Variants in SLBP observed in about 807,000 individuals in gnomAD.
The protein encoded by SLBP is stem-loop histone mRNA binding protein, also known as histone RNA hairpin-binding protein.
Under a neutral mutation model 39.2 loss-of-function variants are expected in SLBP, and 29 were observed. That is an observed-to-expected ratio of 0.74 (90% CI 0.55 to 1.01). The LOEUF is 1.01. Among genes scored for constraint, SLBP ranks in the 50% least tolerant of loss-of-function variants. SLBP has a pLI of 0.00. For missense variants in SLBP, 390 were observed against 350.2 expected (o/e 1.11, Z -0.91); for synonymous variants, 129 against 118.7 (o/e 1.09, Z -0.57).
At chr4:1,707,600 C>T (rs1716571453) in intron 2 of SLBP, among the ~76,000 whole-genome samples, 1 of 152,124 alleles carries the variant, frequency 6.6e-6, no homozygotes. Context: ...CAGACATAAA[C>T]TCACATTTTT....
chr4:1,710,919 C>T (rs1716738478), intron 2 of SLBP, among the ~76,000 whole-genome samples: 1 of 151,906 alleles, frequency 6.6e-6, no homozygotes, highest in Non-Finnish European at 1.5e-5. Flanking sequence ...GGCGCGGTGG[C>T]ATGCGCCTGT....
intron 6 of SLBP, 134 bp from the exon 7 acceptor site, chr4:1,694,974 G>A (rs541704256): frequency 9.8e-5 from 66 of 676,696 alleles, no homozygotes; most frequent in South Asian, 6.9e-4. Context: ...TGAGGGGTCA[G>A]CTTTCAGTGA....
At chr4:1,711,626 G>A (rs1033434866) in intron 2 of SLBP, among the ~76,000 whole-genome samples, 3 of 152,212 alleles carry the variant, frequency 2.0e-5, no homozygotes, top group Non-Finnish European at 4.4e-5. Context: ...ACACAGACTC[G>A]AACTGGCTAA....
intron 6 of SLBP, among the ~76,000 whole-genome samples, 184 bp downstream of exon 6, chr4:1,696,018 A>G (rs1716091858): frequency 6.6e-6 from 1 of 152,026 alleles, no homozygotes; most frequent in Non-Finnish European, 1.5e-5. Context: ...CAGGAAGCAA[A>G]CTCTTCCTTC....
chr4:1,702,182 C>T (rs1437927707), intron 3 of SLBP, among the ~76,000 whole-genome samples: 3 of 152,174 alleles, frequency 2.0e-5, no homozygotes, highest in African/African-American at 7.2e-5. Context: ...GCATGCAACA[C>T]AAACTATACA....
At chr4:1,710,597 A>G (rs1716714244) in intron 2 of SLBP, among the ~76,000 whole-genome samples, 1 of 152,270 alleles carries the variant, frequency 6.6e-6, no homozygotes, top group South Asian at 2.1e-4. Context: ...AGGTTGAAGG[A>G]GAAAGATCTA....
In SLBP at chr4:1,699,589, C is replaced by T. The variant is rs764796066; in HGVS notation, c.454G>A (p.Asp152Asn). The change falls in exon 5 of 8, where the codon GAT (aspartate) becomes AAT (asparagine). Residue 152 changes from aspartate (D) to asparagine (N), a missense_variant. Asp to Asn is a conservative substitution (Grantham distance 23). Transcript: ENST00000489418. ...INYGKNTIAY[D>N]RYIKEVPRHL... ...CTTGGGACTTCTTTAATATAACGATCGTAGGCAATTGTGTTCTTCCCATAG... is the reference window on the plus strand; with the variant it reads ...CTTGGGACTTCTTTAATATAACGATTGTAGGCAATTGTGTTCTTCCCATAG... The T allele has an allele frequency of 1.2e-6, 2 of 1,613,950 alleles. No homozygotes were observed. Among genetic ancestry groups the T allele is most frequent in the Non-Finnish European group, 1.7e-6 (2 of 1,179,840 alleles).
intron 5 of SLBP, among the ~76,000 whole-genome samples, chr4:1,697,011 A>T (rs554843167): frequency 6.6e-6 from 1 of 151,616 alleles, no homozygotes; most frequent in Non-Finnish European, 1.5e-5. Flanking sequence ...ACCAAAAATT[A>T]GCCAGTCATG....
chr4:1,699,142 A>G (rs895781332), intron 5 of SLBP, among the ~76,000 whole-genome samples: 6 of 152,222 alleles, frequency 3.9e-5, no homozygotes, highest in African/African-American at 9.6e-5. Context: ...AGCTTTCTTT[A>G]TATCCTTCTG....
chr4:1,712,233 G>T lies in SLBP; in HGVS notation c.-45C>A, dbSNP rs1577191334. On this transcript the variant is annotated 5_prime_UTR_variant, in exon 1 of 8. Transcript: ENST00000489418. ...GCAGCGCAGGGCCGAGGCTGAGGCG[G>T]CGGCGGCGCGGGCAGAGAGCGCAGA... 1.7e-6 allele frequency: 2 copies of T among 1,183,858 alleles called. No homozygotes were observed. The highest frequency in any genetic ancestry group is 7.1e-5 in the East Asian group (2 of 28,180). The allele number at this position is 1,183,858 out of a possible 1,614,324, so 73.3% of individuals were successfully genotyped here.
intron 2 of SLBP, among the ~76,000 whole-genome samples, chr4:1,704,665 C>T (rs1159305685): frequency 1.3e-5 from 2 of 152,146 alleles, no homozygotes; most frequent in Non-Finnish European, 2.9e-5. Context: ...CAGAGGGATT[C>T]GCTGTCATAC....
intron 2 of SLBP, among the ~76,000 whole-genome samples, chr4:1,710,777 C>T (rs973045192): frequency 1.3e-5 from 2 of 151,662 alleles, no homozygotes; most frequent in Non-Finnish European, 2.9e-5. Context: ...TGGCCGGGCG[C>T]GGTGGCTCAC....
chr4:1,693,783 C>T (rs926982434), intron 7 of SLBP, 70 bp from the exon 8 acceptor site: 2 of 870,548 alleles, frequency 2.3e-6, no homozygotes, highest in Non-Finnish European at 2.0e-6. Context: ...TCCTACACCC[C>T]ACTCCTTATG....
rs1716418864 is a variant in SLBP, at chr4:1,703,780, G to A, written c.177-80C>T. On this transcript the variant is annotated intron_variant, in intron 2 of 7. Transcript: ENST00000489418. Reference sequence around the variant, plus strand: ...AACTGTATGTCAAGAAATATTCAAAGGCTGGTGGGACACAGTGGCTTGTGC... The same window carrying A: ...AACTGTATGTCAAGAAATATTCAAAAGCTGGTGGGACACAGTGGCTTGTGC... 1.6e-5 allele frequency: 16 copies of A among 1,030,710 alleles called. 1 individual carries two copies. The South Asian group carries it at 2.0e-4, about 13-fold the overall frequency. 63.8% of individuals were successfully genotyped at this position (1,030,710 alleles called of 1,614,324 possible). A position where few individuals can be genotyped will look rare whatever the true frequency, so the allele number is the denominator to read the frequency against.
chr4:1,709,469 G>A (rs1022191465), intron 2 of SLBP, among the ~76,000 whole-genome samples: 1 of 152,198 alleles, frequency 6.6e-6, no homozygotes, highest in Non-Finnish European at 1.5e-5. Context: ...CAGATTTGCA[G>A]GCTCCTAGTT....
At chr4:1,704,640 C>A (rs1313011569) in intron 2 of SLBP, among the ~76,000 whole-genome samples, 1 of 152,132 alleles carries the variant, frequency 6.6e-6, no homozygotes, top group African/African-American at 2.4e-5. Flanking sequence ...CTCGTGCTTC[C>A]CCTGGCTGGC....
At position 1,711,988 on chromosome 4, in the gene SLBP, G is replaced by T; in HGVS notation, c.62C>A (p.Pro21Gln). ...HQSRCDGDAS[P>Q]PSPARWSLGR... The stretch of plus-strand genomic sequence containing the variant: ...CAGGCTCCATCGCGCGGGGGACGGC[G>T]GGCTGCGGGGAGGGACGCGGTCGGC... Residue 21 changes from proline to glutamine, a missense_variant and splice_region_variant, in exon 2 of 8, where the codon CCG (proline) becomes CAG (glutamine). By Grantham distance (76) the Pro-to-Gln change is moderately conservative (BLOSUM62 -1). Transcript: ENST00000489418. 1 of 1,291,944 alleles carries T rather than the reference G, an allele frequency of 7.7e-7. No homozygotes were observed. The highest frequency in any genetic ancestry group is 2.2e-5 in the South Asian group (1 of 45,034). 80.0% of individuals were successfully genotyped at this position (1,291,944 alleles called of 1,614,324 possible).
intron 5 of SLBP, among the ~76,000 whole-genome samples, chr4:1,697,486 AAAAAATC>A (rs1716155383): frequency 6.6e-6 from 1 of 151,926 alleles, no homozygotes; most frequent in South Asian, 2.1e-4. Context: ...ATAAATAAAT[AAAAAATC>A]AACTGAGATC....
rs1031434460 is a variant in SLBP, at chr4:1,693,354, G to T, written c.*243C>A. On this transcript the variant is annotated 3_prime_UTR_variant, in exon 8 of 8. Transcript: ENST00000489418. Reference sequence around the variant, plus strand: ...CAGGGATTACGCAATTAAGCTCGCTGGAAGAGAGCTTCAAGTACTTTCTTG... The same window carrying T: ...CAGGGATTACGCAATTAAGCTCGCTTGAAGAGAGCTTCAAGTACTTTCTTG... The T allele has an allele frequency of 2.5e-6, 1 of 405,764 alleles. No individual in the cohort carries two copies. Among genetic ancestry groups the T allele is most frequent in the Admixed American group, 4.1e-5 (1 of 24,362 alleles). The allele number at this position is 405,764 out of a possible 1,614,324, so 25.1% of individuals were successfully genotyped here.
Sources: allele counts gnomAD v4.1 joint callset (sites outside exome capture counted in the v4.1 genomes callset), GRCh38; gene constraint gnomAD v4.1.1; transcripts MANE v1.5; gene names NCBI Gene and HGNC (gene_info 2026-07-23, HGNC 2026-07-21).